The following LUZP2 variants were observed in gnomAD, a reference collection of about 807,000 sequenced individuals.
LUZP2 encodes the protein leucine zipper protein 2.
Under a neutral mutation model 51.6 loss-of-function variants are expected in LUZP2, and 52 were observed. The ratio of observed to expected loss-of-function variants is 1.01; its 90% CI spans 0.81 to 1.27. The LOEUF (loss-of-function observed/expected upper bound fraction) is 1.27, where lower values mean the gene tolerates loss of function less well. LUZP2 is among the 50% of genes most tolerant of loss of function. LUZP2 has a pLI of 0.00. For missense variants in LUZP2, 436 were observed against 395.4 expected (o/e 1.10, Z -0.87); for synonymous variants, 154 against 137.3 (o/e 1.12, Z -0.85).
chr11:24,643,724 C>T (rs758344524), intron 1 of LUZP2, among the ~76,000 whole-genome samples: 1 of 151,960 alleles, frequency 6.6e-6, no homozygotes, highest in Admixed American at 6.6e-5. Context: ...GTCTTTAATT[C>T]ATATTTAATG....
intron 7 of LUZP2, among the ~76,000 whole-genome samples, chr11:24,953,882 C>A (rs888700453): frequency 3.9e-5 from 6 of 151,940 alleles, no homozygotes; most frequent in African/African-American, 1.5e-4. Context: ...AGATATTAAA[C>A]AGACAGGTAA....
At chr11:24,965,422 C>A (rs989752904) in intron 7 of LUZP2, among the ~76,000 whole-genome samples, 1 of 151,366 alleles carries the variant, frequency 6.6e-6, no homozygotes, top group East Asian at 1.9e-4. Context: ...TCTCTGTCTA[C>A]CAAGAAAGAA....
intron 2 of LUZP2, among the ~76,000 whole-genome samples, chr11:24,731,021 G>A (rs982097156): frequency 8.6e-5 from 13 of 151,480 alleles, no homozygotes; most frequent in Admixed American, 7.9e-4. Context: ...TGCTTTCCTT[G>A]TATTTATGTG....
intron 5 of LUZP2, among the ~76,000 whole-genome samples, chr11:24,869,625 A>T (rs964202716): frequency 6.6e-5 from 10 of 152,030 alleles, no homozygotes; most frequent in African/African-American, 2.4e-4. Flanking sequence ...TATCTGTCAT[A>T]CTGATCTGTG....
At chr11:24,988,154 C>T (rs1856239416) in intron 9 of LUZP2, among the ~76,000 whole-genome samples, 2 of 151,970 alleles carry the variant, frequency 1.3e-5, no homozygotes, top group Non-Finnish European at 2.9e-5. Flanking sequence ...TGTTTTTCCA[C>T]CTGCTGTCCA....
intron 5 of LUZP2, among the ~76,000 whole-genome samples, chr11:24,817,957 G>A (rs141785253): frequency 2.5e-4 from 38 of 151,976 alleles, no homozygotes; most frequent in Middle Eastern, 6.8e-3. Context: ...TTATTGCTAC[G>A]GGAAGGTTAC....
At chr11:24,912,578 G>A (rs939571771) in intron 6 of LUZP2, among the ~76,000 whole-genome samples, 2 of 152,120 alleles carry the variant, frequency 1.3e-5, no homozygotes, top group Non-Finnish European at 2.9e-5. Flanking sequence ...GGATGCTGAG[G>A]TGGGCAGATT....
At chr11:24,819,220 G>A (rs1330331905) in intron 5 of LUZP2, among the ~76,000 whole-genome samples, 4 of 152,052 alleles carry the variant, frequency 2.6e-5, no homozygotes, top group Non-Finnish European at 5.9e-5. Context: ...GCTGTGGAGA[G>A]TGAGGTATAG....
intron 1 of LUZP2, among the ~76,000 whole-genome samples, chr11:24,509,485 G>C (rs375763474): frequency 1.3e-5 from 2 of 148,358 alleles, no homozygotes; most frequent in East Asian, 3.9e-4. Context: ...ATATCATGTA[G>C]TATATAGATT....
chr11:25,017,768 A>T (rs570228810), intron 9 of LUZP2, among the ~76,000 whole-genome samples: 1 of 152,028 alleles, frequency 6.6e-6, no homozygotes, highest in African/African-American at 2.4e-5. Context: ...TTCTGGCTCT[A>T]TTTTTGTTCC....
At chr11:24,547,301 T>A (rs562767034) in intron 1 of LUZP2, among the ~76,000 whole-genome samples, 1 of 152,102 alleles carries the variant, frequency 6.6e-6, no homozygotes, top group East Asian at 1.9e-4. Flanking sequence ...GGCATTACAC[T>A]ACCTGACTTC....
At chr11:24,652,543 T>C (rs975649153) in intron 1 of LUZP2, among the ~76,000 whole-genome samples, 1 of 152,076 alleles carries the variant, frequency 6.6e-6, no homozygotes, top group Non-Finnish European at 1.5e-5. Context: ...TAAGAAACTA[T>C]GTATATGTCC....
intron 1 of LUZP2, among the ~76,000 whole-genome samples, chr11:24,502,473 C>T (rs1850025489): frequency 6.6e-6 from 1 of 152,068 alleles, no homozygotes; most frequent in African/African-American, 2.4e-5. Context: ...CAATCTCTGC[C>T]TCCTGGGTTT....
intron 10 of LUZP2, among the ~76,000 whole-genome samples, chr11:25,071,199 T>C (rs1390848077): frequency 2.6e-5 from 4 of 151,950 alleles, no homozygotes; most frequent in Non-Finnish European, 5.9e-5. Flanking sequence ...ATAGTAAATA[T>C]ATAAACAGCA....
At chr11:24,534,558 A>C (rs1851112214) in intron 1 of LUZP2, among the ~76,000 whole-genome samples, 1 of 151,324 alleles carries the variant, frequency 6.6e-6, no homozygotes, top group African/African-American at 2.4e-5. Context: ...ATTTATATAT[A>C]GAGAGAGTAA....
At chr11:24,957,634 T>C (rs1855248284) in intron 7 of LUZP2, among the ~76,000 whole-genome samples, 1 of 152,196 alleles carries the variant, frequency 6.6e-6, no homozygotes, top group Non-Finnish European at 1.5e-5. Context: ...CTTAGCATAA[T>C]GCTCTTCAAT....
chr11:24,690,725 G>C (rs751938955), intron 1 of LUZP2, among the ~76,000 whole-genome samples: 4 of 152,124 alleles, frequency 2.6e-5, no homozygotes, highest in Non-Finnish European at 5.9e-5. Context: ...ACTGTAGTGA[G>C]AATAGTATAC....
Position 24,676,721 on chromosome 11 carries a change from T to A in LUZP2, c.63-52448T>A, listed in dbSNP as rs571656180. ...CTCTGTCACCCAGGCTGGAGTGCAGTGGTGTGATCTTGGCTCACCACAGCC... is the reference window on the plus strand; with the variant it reads ...CTCTGTCACCCAGGCTGGAGTGCAGAGGTGTGATCTTGGCTCACCACAGCC... On this transcript the variant is annotated intron_variant, in intron 1 of 11. Transcript: ENST00000336930. Among the ~76,000 whole-genome samples the A allele has an allele frequency of 2.0e-5, 3 of 152,152 alleles. No individual in the cohort carries two copies. The East Asian group carries it at 5.8e-4, about 29-fold the overall frequency.
At chr11:24,632,636 C>T (rs1463436490) in intron 1 of LUZP2, among the ~76,000 whole-genome samples, 1 of 152,016 alleles carries the variant, frequency 6.6e-6, no homozygotes, top group Non-Finnish European at 1.5e-5. Context: ...ATCCTAACAG[C>T]ATCCCCAACA....
Sources: gnomAD v4.1 joint callset for allele counts (sites outside exome capture counted in the v4.1 genomes callset) on GRCh38, gnomAD v4.1.1 for gene constraint, MANE v1.5 for transcripts, NCBI Gene and HGNC (gene_info 2026-07-23, HGNC 2026-07-21) for gene names.